Variants in TRPM8 observed in about 807,000 individuals in gnomAD.
TRPM8 encodes transient receptor potential cation channel subfamily M member 8.
In TRPM8, 110 loss-of-function variants were observed where a neutral mutation model predicts 133.7. The observed-to-expected ratio is 0.82, with a 90% confidence interval of 0.70 to 0.96. TRPM8 has a LOEUF of 0.96. TRPM8 is among the 40% of genes least tolerant of loss of function. The probability of loss-of-function intolerance (pLI) is 0.00; values close to 1 mark genes in which losing one functional copy is unlikely to be tolerated. For missense variants in TRPM8, 1,291 were observed against 1,379.5 expected (o/e 0.94, Z 1.02); for synonymous variants, 535 against 532.3 (o/e 1.01, Z -0.07).
chr2:233,984,359 C>G (rs539216928), intron 20 of TRPM8, among the ~76,000 whole-genome samples: 3 of 152,150 alleles, frequency 2.0e-5, no homozygotes, highest in Non-Finnish European at 4.4e-5. Context: ...ATTTCTCAGA[C>G]GCACCTTGGC....
At position 233,970,427 on chromosome 2, in the gene TRPM8, G is replaced by A; in HGVS notation, c.2355+1G>A. On this transcript the variant is annotated splice_donor_variant, in intron 17 of 25. Coordinates refer to ENST00000324695, the MANE Select transcript of TRPM8 (RefSeq NM_024080.5). LOFTEE classifies it high-confidence loss of function. ...CCTCTTCTGTGATGAAGTGAGACAG[G>A]TAGGGCTGCCATGACAGCAGGAACC... 6.2e-7 allele frequency: 1 copy of A among 1,613,708 alleles called. No individual in the cohort carries two copies. The highest frequency in any genetic ancestry group is 8.5e-7 in the Non-Finnish European group (1 of 1,179,920).
intron 9 of TRPM8, 115 bp downstream of exon 9, chr2:233,950,261 G>C: frequency 9.5e-7 from 1 of 1,047,186 alleles, no homozygotes; most frequent in East Asian, 2.6e-5. Flanking sequence ...TATTTTCTCC[G>C]TGCCTTTGAG....
rs200680058 is a variant in TRPM8, at chr2:233,985,771, C to T, written c.2845C>T (p.Pro949Ser). Residue 949 changes from proline to serine, a missense_variant, in exon 21 of 26, where the codon CCC becomes TCC. By Grantham distance (74) the Pro-to-Ser change is moderately conservative. This residue lies in a region of TRPM8 where 328 missense variants were observed against 410.6 expected (regional missense o/e 0.80). Coordinates refer to ENST00000324695, the MANE Select transcript of TRPM8 (RefSeq NM_024080.5). ...LCVELDEHNL[P>S]RFPEWITIPL... is the part of the protein sequence containing the mutation. ...TGTGGAGCTGGATGAGCACAACCTG[C>T]CCCGGTTCCCCGAGTGGATCACCAT... 6 of 1,614,174 alleles carry T rather than the reference C, an allele frequency of 3.7e-6. No individual in the cohort carries two copies. Among genetic ancestry groups the T allele is most frequent in the Non-Finnish European group, 5.1e-6 (6 of 1,180,020 alleles).
chr2:233,958,517 A>T (rs1036713637), intron 11 of TRPM8, among the ~76,000 whole-genome samples: 2 of 152,204 alleles, frequency 1.3e-5, no homozygotes, highest in Non-Finnish European at 2.9e-5. Flanking sequence ...AGCATTCTGC[A>T]TTTACCAGGC....
chr2:233,952,324 G>A (rs925848305), intron 9 of TRPM8, among the ~76,000 whole-genome samples: 1 of 152,144 alleles, frequency 6.6e-6, no homozygotes, highest in African/African-American at 2.4e-5. Context: ...CGAAATGGGT[G>A]TTTGGAAGAA....
intron 15 of TRPM8, among the ~76,000 whole-genome samples, chr2:233,968,730 AT>A (rs1280120150): frequency 6.6e-6 from 1 of 151,638 alleles, no homozygotes; most frequent in East Asian, 2.0e-4. Context: ...TTGACGGGCT[AT>A]TTTTTGAGAG....
chr2:234,011,914 C>CA (rs869030520), intron 24 of TRPM8, among the ~76,000 whole-genome samples: 11,711 of 81,124 alleles, frequency 0.14, 1,392 homozygotes, highest in African/African-American at 0.24. Context: ...GAGACTGTCT[C>CA]AAAAAAAAAA....
intron 24 of TRPM8, among the ~76,000 whole-genome samples, chr2:234,009,044 G>A (rs954146264): frequency 6.6e-6 from 1 of 152,152 alleles, no homozygotes; most frequent in African/African-American, 2.4e-5. Context: ...GGAAGAAGTG[G>A]GGGAGTCTGG....
At chr2:234,013,102 T>C (rs1692881393) in intron 24 of TRPM8, 1 of 152,190 alleles carries the variant, frequency 6.6e-6, no homozygotes, top group South Asian at 2.1e-4. Context: ...GTGTTATCTT[T>C]TTCCGGCTTT....
chr2:233,925,344 A>C (rs569144543), intron 1 of TRPM8, among the ~76,000 whole-genome samples: 3 of 152,340 alleles, frequency 2.0e-5, no homozygotes, highest in East Asian at 3.9e-4. Flanking sequence ...TCATTAAACA[A>C]ATCATGATGC....
At position 233,955,185 on chromosome 2, in the gene TRPM8, C is replaced by A. The variant is rs746529765; in HGVS notation, c.1297C>A (p.Leu433Met). The A allele has an allele frequency of 1.9e-6, 3 of 1,614,112 alleles. No homozygotes were observed. Among genetic ancestry groups the A allele is most frequent in the Non-Finnish European group, 2.5e-6 (3 of 1,180,032 alleles). ...KDNWNGQLKLLLEWNQLDLAN... is the reference protein window; with the variant it reads ...KDNWNGQLKLMLEWNQLDLAN... ...TAACTGGAATGGGCAGCTGAAGCTT[C>A]TGCTGGAGTGGAACCAGCTGGACTT... The change falls in exon 11 of 26, where the codon CTG (leucine) becomes ATG (methionine). Residue 433 changes from leucine (L) to methionine (M), a missense_variant. Transcript: ENST00000324695.
intron 3 of TRPM8, among the ~76,000 whole-genome samples, chr2:233,932,009 G>A (rs1425957170): frequency 1.3e-5 from 2 of 152,216 alleles, no homozygotes; most frequent in Non-Finnish European, 2.9e-5. Context: ...TGATTCCAAG[G>A]CTGTGCCTTC....
In TRPM8 at chr2:233,981,919, A is replaced by G. The variant is rs1559540376; in HGVS notation, c.2589+4A>G. ...GATTATAATGCTGCAGAGGATGGTA[A>G]GAGTCAAGAATATTTGTAGTCATCA... is the stretch of plus-strand genomic sequence containing the variant. On this transcript the variant is annotated splice_donor_region_variant and intron_variant, in intron 19 of 25. Transcript: ENST00000324695. The G allele has an allele frequency of 6.2e-7, 1 of 1,603,770 alleles. No homozygotes were observed. The highest frequency in any genetic ancestry group is 8.5e-7 in the Non-Finnish European group (1 of 1,177,348).
chr2:233,933,329 G>A (rs564425140), intron 3 of TRPM8, among the ~76,000 whole-genome samples: 1 of 152,260 alleles, frequency 6.6e-6, no homozygotes, highest in African/African-American at 2.4e-5. Flanking sequence ...GGACAACGAA[G>A]GAATGTTTTT....
In TRPM8 at chr2:233,925,147, A is replaced by T. The variant is rs1691490473; in HGVS notation, c.-5-1386A>T. Among the ~76,000 whole-genome samples, 4 of 152,202 alleles carry T rather than the reference A, an allele frequency of 2.6e-5. No individual in the cohort carries two copies. In the South Asian group the frequency reaches 8.3e-4, roughly 32 times the overall value. On this transcript the variant is annotated intron_variant, in intron 1 of 25. Coordinates refer to ENST00000324695, the MANE Select transcript of TRPM8 (RefSeq NM_024080.5). Reference sequence around the variant, plus strand: ...TTAGACATTTCTGCATTCGGGAGTTATAACAGGTGACGTGGAAATAGTTAG... The same window carrying T: ...TTAGACATTTCTGCATTCGGGAGTTTTAACAGGTGACGTGGAAATAGTTAG...
intron 17 of TRPM8, among the ~76,000 whole-genome samples, chr2:233,976,266 G>T (rs769798739): frequency 1.3e-5 from 2 of 152,162 alleles, no homozygotes; most frequent in Non-Finnish European, 2.9e-5. Context: ...TGGCCCAGAG[G>T]ACTTGCAACA....
At chr2:234,000,920 C>T (rs1232407959) in intron 22 of TRPM8, among the ~76,000 whole-genome samples, 3 of 152,188 alleles carry the variant, frequency 2.0e-5, no homozygotes, top group African/African-American at 4.8e-5. Flanking sequence ...TCAAGTGATC[C>T]GCCCACCTCA....
At chr2:233,955,771 C>A (rs1427758546) in intron 11 of TRPM8, among the ~76,000 whole-genome samples, 1 of 152,172 alleles carries the variant, frequency 6.6e-6, no homozygotes, top group Non-Finnish European at 1.5e-5. Context: ...GGGTGCCGGT[C>A]CATGGCCTGT....
At chr2:233,964,572 A>AC (rs1410548725) in intron 13 of TRPM8, 56 bp from the exon 14 acceptor site, 2 of 1,358,504 alleles carry the variant, frequency 1.5e-6, no homozygotes, top group African/African-American at 3.0e-5. Context: ...AAAAAAAAAA[A>AC]AAAAAGAAAA....
Sources: gnomAD v4.1 joint callset for allele counts (sites outside exome capture counted in the v4.1 genomes callset) on GRCh38, gnomAD v4.1.1 for gene constraint, gnomAD v4.1.1 regional missense constraint, MANE v1.5 for transcripts, NCBI Gene and HGNC (gene_info 2026-07-23, HGNC 2026-07-21) for gene names.